The following ALK variants were observed in gnomAD, a reference collection of about 807,000 sequenced individuals.
ALK encodes the protein ALK tyrosine kinase receptor.
In ALK, 74 loss-of-function variants were observed where a neutral mutation model predicts 163.1. The observed-to-expected ratio is 0.45, with a 90% confidence interval of 0.38 to 0.55. ALK has a LOEUF of 0.55. Among genes scored for constraint, ALK ranks in the 20% least tolerant of loss-of-function variants. The pLI is 0.00. For synonymous variants in ALK, 960 were observed against 843.2 expected (o/e 1.14, Z -2.40); for missense variants, 2,063 against 2,105.3 (o/e 0.98, Z 0.39).
At chr2:29,320,027 G>A (rs981564981) in intron 7 of ALK, among the ~76,000 whole-genome samples, 1 of 152,226 alleles carries the variant, frequency 6.6e-6, no homozygotes, top group Non-Finnish European at 1.5e-5. Flanking sequence ...CCCAAGGCTG[G>A]CTAGCCTGGC....
intron 1 of ALK, among the ~76,000 whole-genome samples, chr2:29,746,665 A>G (rs1034593554): frequency 2.6e-5 from 4 of 152,188 alleles, no homozygotes; most frequent in African/African-American, 4.8e-5. Flanking sequence ...GAGAAACCTG[A>G]CATTTTCTGG....
intron 1 of ALK, among the ~76,000 whole-genome samples, chr2:29,778,065 C>G (rs529331044): frequency 6.6e-6 from 1 of 152,182 alleles, no homozygotes; most frequent in Non-Finnish European, 1.5e-5. Context: ...TACAAACACA[C>G]CAGAATTACT....
intron 4 of ALK, among the ~76,000 whole-genome samples, chr2:29,458,433 C>T (rs1222551751): frequency 6.6e-6 from 1 of 152,104 alleles, no homozygotes; most frequent in Non-Finnish European, 1.5e-5. Flanking sequence ...CTGCACTTTC[C>T]AATGCTCTGG....
intron 3 of ALK, among the ~76,000 whole-genome samples, chr2:29,687,578 A>G (rs1678275670): frequency 6.6e-6 from 1 of 152,180 alleles, no homozygotes; most frequent in African/African-American, 2.4e-5. Flanking sequence ...AAAAAATAAT[A>G]TATGACAATG....
intron 4 of ALK, among the ~76,000 whole-genome samples, chr2:29,527,790 C>T (rs1218421237): frequency 6.6e-6 from 1 of 152,168 alleles, no homozygotes; most frequent in Non-Finnish European, 1.5e-5. Flanking sequence ...GCTGGGATTA[C>T]AGGTGTGAGC....
At chr2:29,652,040 A>T (rs1189278161) in intron 3 of ALK, among the ~76,000 whole-genome samples, 1 of 152,130 alleles carries the variant, frequency 6.6e-6, no homozygotes, top group Non-Finnish European at 1.5e-5. Context: ...TACTTTACAG[A>T]GGGAAAGCTA....
At chr2:29,568,811 G>A (rs980459166) in intron 3 of ALK, among the ~76,000 whole-genome samples, 3 of 152,202 alleles carry the variant, frequency 2.0e-5, no homozygotes, top group African/African-American at 7.2e-5. Flanking sequence ...TGTTGCCAGT[G>A]TTTTCTCAGT....
chr2:29,285,932 C>G lies in ALK; in HGVS notation c.1818-10436G>C, dbSNP rs78763788. Reference sequence around the variant, plus strand: ...GGCCTAATATTCACACTCACTCTCTCCCAAAAAGATTTCTCAGGATTCTCT... The same window carrying G: ...GGCCTAATATTCACACTCACTCTCTGCCAAAAAGATTTCTCAGGATTCTCT... On this transcript the variant is annotated intron_variant, in intron 9 of 28. Coordinates refer to ENST00000389048, the MANE Select transcript of ALK (RefSeq NM_004304.5). 5.6e-4 allele frequency among the ~76,000 whole-genome samples: 85 copies of G among 152,262 alleles called. No individual in the cohort carries two copies. The East Asian group carries it at 0.013, about 23-fold the overall frequency.
Position 29,712,906 on chromosome 2 carries a change from A to G in ALK, c.787+4672T>C, listed in dbSNP as rs533103102. Among the ~76,000 whole-genome samples, 300 of 152,282 alleles carry G rather than the reference A, an allele frequency of 2.0e-3. 1 individual carries two copies. Among genetic ancestry groups the G allele is most frequent in the African/African-American group, 7.0e-3 (291 of 41,552 alleles). On this transcript the variant is annotated intron_variant, in intron 2 of 28. Transcript: ENST00000389048. ...TTTTCCAGGAGCCAATGTTTTGGAC[A>G]TTAGGGGGCTGGATCAGCTTCTTAG...
chr2:29,533,223 G>A (rs1673165295), intron 3 of ALK, among the ~76,000 whole-genome samples: 1 of 152,090 alleles, frequency 6.6e-6, no homozygotes, highest in African/African-American at 2.4e-5. Flanking sequence ...GCTTCAGCAT[G>A]GCATATAAGA....
At chr2:29,518,991 C>G (rs1384633913) in intron 4 of ALK, among the ~76,000 whole-genome samples, 2 of 152,214 alleles carry the variant, frequency 1.3e-5, no homozygotes, top group Non-Finnish European at 2.9e-5. Context: ...GGTAAATACT[C>G]TATACACATT....
chr2:29,690,087 A>G (rs1678351613), intron 3 of ALK, among the ~76,000 whole-genome samples: 1 of 152,194 alleles, frequency 6.6e-6, no homozygotes, highest in South Asian at 2.1e-4. Flanking sequence ...AGCCACAGGA[A>G]ACTAATACAC....
At chr2:29,316,492 GAGAAATGATGAAGT>G (rs1427821867) in intron 8 of ALK, among the ~76,000 whole-genome samples, 91 of 152,226 alleles carry the variant, frequency 6.0e-4, no homozygotes, top group African/African-American at 2.1e-3. Flanking sequence ...AAGGTTATTA[GAGAAATGATGAAGT>G]ATTAGAATAA....
chr2:29,781,714 C>T (rs1681336165), intron 1 of ALK, among the ~76,000 whole-genome samples: 1 of 152,220 alleles, frequency 6.6e-6, no homozygotes, highest in African/African-American at 2.4e-5. Flanking sequence ...GAGTGCAACA[C>T]ACTCATACCT....
intron 1 of ALK, among the ~76,000 whole-genome samples, chr2:29,893,902 A>G (rs1446641593): frequency 6.6e-6 from 1 of 152,130 alleles, no homozygotes; most frequent in Admixed American, 6.5e-5. Flanking sequence ...CTGAACCTCC[A>G]TTTCCTCATT....
intron 3 of ALK, among the ~76,000 whole-genome samples, chr2:29,567,335 G>A (rs1674220701): frequency 6.6e-6 from 1 of 152,164 alleles, no homozygotes; most frequent in African/African-American, 2.4e-5. Flanking sequence ...CAGAAATACT[G>A]GCCTTTCCAA....
intron 4 of ALK, among the ~76,000 whole-genome samples, chr2:29,525,745 C>T (rs1672941872): frequency 7.6e-6 from 1 of 132,060 alleles, no homozygotes; most frequent in Admixed American, 9.2e-5. Context: ...GAGCTGAGAT[C>T]ACGCCACTAC....
intron 26 of ALK, among the ~76,000 whole-genome samples, chr2:29,200,779 ATATGTATATACATG>A (rs1669151638): frequency 2.5e-4 from 34 of 135,716 alleles, no homozygotes; most frequent in Non-Finnish European, 2.6e-4. Flanking sequence ...ATACGTATAT[ATATGTATATACATG>A]TATACATATA....
At chr2:29,247,121 C>T (rs753590643) in intron 12 of ALK, among the ~76,000 whole-genome samples, 16 of 152,074 alleles carry the variant, frequency 1.1e-4, no homozygotes, top group Non-Finnish European at 1.6e-4. Flanking sequence ...GCCTTTCCCC[C>T]GGCCTCCGCG....
Sources: allele counts gnomAD v4.1 joint callset (sites outside exome capture counted in the v4.1 genomes callset), GRCh38; gene constraint gnomAD v4.1.1; transcripts MANE v1.5; gene names NCBI Gene and HGNC (gene_info 2026-07-23, HGNC 2026-07-21).